Variants in UBE3D observed in about 807,000 individuals in gnomAD.
UBE3D encodes E3 ubiquitin-protein ligase E3D.
A neutral mutation model predicts 49.6 loss-of-function variants in UBE3D; 48 were observed. The observed-to-expected ratio is 0.97, with a 90% CI of 0.77 to 1.23. The LOEUF is 1.23. UBE3D is among the 50% of genes most tolerant of loss of function. UBE3D has a pLI of 0.00. For missense variants in UBE3D, 452 were observed against 468.4 expected (o/e 0.96, Z 0.32); for synonymous variants, 189 against 174.2 (o/e 1.08, Z -0.67).
At chr6:83,038,690 T>C (rs976303148) in intron 4 of UBE3D, among the ~76,000 whole-genome samples, 1 of 152,212 alleles carries the variant, frequency 6.6e-6, no homozygotes, top group African/African-American at 2.4e-5. Context: ...ACACACAGAT[T>C]CACTTTTCCA....
At chr6:83,051,326 G>A (rs1783454478) in intron 3 of UBE3D, among the ~76,000 whole-genome samples, 1 of 152,184 alleles carries the variant, frequency 6.6e-6, no homozygotes, top group South Asian at 2.1e-4. Context: ...TAGGGAGAGT[G>A]AGTGCTGCCC....
chr6:82,965,584 A>T (rs1429837357), intron 8 of UBE3D, among the ~76,000 whole-genome samples: 2 of 16,192 alleles, frequency 1.2e-4, no homozygotes, highest in Non-Finnish European at 3.4e-4. Context: ...ACTCCATCTC[A>T]AAAAAAAAAA....
At chr6:82,992,788 T>C (rs1315126526) in intron 8 of UBE3D, among the ~76,000 whole-genome samples, 3 of 152,156 alleles carry the variant, frequency 2.0e-5, no homozygotes, top group African/African-American at 4.8e-5. Flanking sequence ...CTGGTATACA[T>C]AGTGATGTCA....
At chr6:83,024,956 T>C (rs1781354030) in intron 5 of UBE3D, among the ~76,000 whole-genome samples, 1 of 152,066 alleles carries the variant, frequency 6.6e-6, no homozygotes, top group Admixed American at 6.6e-5. Flanking sequence ...GCCAGGACTC[T>C]CTGTTTTTAT....
intron 5 of UBE3D, among the ~76,000 whole-genome samples, chr6:83,028,687 A>G (rs1038621052): frequency 6.6e-6 from 1 of 152,178 alleles, no homozygotes; most frequent in African/African-American, 2.4e-5. Context: ...TAATTTACCC[A>G]CATTATTTTC....
At chr6:82,952,705 G>C (rs1775890843) in intron 9 of UBE3D, among the ~76,000 whole-genome samples, 1 of 152,130 alleles carries the variant, frequency 6.6e-6, no homozygotes, top group Non-Finnish European at 1.5e-5. Flanking sequence ...TTACAGGTGT[G>C]AGCTACTTTG....
intron 8 of UBE3D, among the ~76,000 whole-genome samples, chr6:82,997,504 G>A (rs1010939961): frequency 3.9e-5 from 6 of 152,132 alleles, no homozygotes; most frequent in African/African-American, 1.4e-4. Context: ...AGGATCACAA[G>A]GTCAGGAGAT....
At chr6:82,903,097 G>A (rs1017485637) in intron 9 of UBE3D, among the ~76,000 whole-genome samples, 2 of 151,936 alleles carry the variant, frequency 1.3e-5, no homozygotes, top group Non-Finnish European at 2.9e-5. Flanking sequence ...TTTAATTGAC[G>A]AAGGAATCCA....
chr6:82,960,307 T>C (rs768489415), intron 8 of UBE3D, among the ~76,000 whole-genome samples: 1 of 152,132 alleles, frequency 6.6e-6, no homozygotes, highest in Non-Finnish European at 1.5e-5. Flanking sequence ...TTCTCTGGAA[T>C]GAAAATTAAA....
At chr6:83,065,305 C>T (rs938070884) in intron 1 of UBE3D, among the ~76,000 whole-genome samples, 10 of 152,224 alleles carry the variant, frequency 6.6e-5, no homozygotes, top group African/African-American at 2.4e-4. Context: ...AAACGCCGGG[C>T]ACTGCCAACA....
chr6:82,970,680 A>C (rs1179257437), intron 8 of UBE3D, among the ~76,000 whole-genome samples: 3 of 152,080 alleles, frequency 2.0e-5, no homozygotes, highest in African/African-American at 7.2e-5. Flanking sequence ...TCTACTAAAA[A>C]TACAAAAAAT....
At chr6:82,902,659 G>C (rs563008342) in intron 9 of UBE3D, among the ~76,000 whole-genome samples, 1 of 152,188 alleles carries the variant, frequency 6.6e-6, no homozygotes, top group African/African-American at 2.4e-5. Flanking sequence ...GCAACAGGAG[G>C]GATTCCTGTG....
intron 1 of UBE3D, chr6:83,063,132 G>T: frequency 3.9e-6 from 1 of 259,222 alleles, no homozygotes; most frequent in South Asian, 3.4e-5. Flanking sequence ...AAAAAACGAG[G>T]CAGGGCATGG....
intron 5 of UBE3D, among the ~76,000 whole-genome samples, chr6:83,035,578 C>T (rs943722856): frequency 3.9e-5 from 6 of 152,192 alleles, no homozygotes; most frequent in Admixed American, 6.5e-5. Context: ...AAGTTCAATG[C>T]TATTCTAATT....
intron 8 of UBE3D, among the ~76,000 whole-genome samples, chr6:82,961,918 T>C (rs1297818267): frequency 6.6e-6 from 1 of 151,172 alleles, no homozygotes; most frequent in Non-Finnish European, 1.5e-5. Flanking sequence ...GACGAGATCA[T>C]GCCATTGCTC....
chr6:82,958,921 A>C (rs1368767303), intron 8 of UBE3D, among the ~76,000 whole-genome samples: 1 of 152,198 alleles, frequency 6.6e-6, no homozygotes, highest in Non-Finnish European at 1.5e-5. Context: ...GGACAAGGAA[A>C]ATCTGGCTAG....
At chr6:82,887,389 G>GTTTTTT in the UBE3D span, among the ~76,000 whole-genome samples, 7 of 98,326 alleles carry the variant, frequency 7.1e-5, no homozygotes, top group African/African-American at 3.6e-4. Context: ...GACAGTAACA[G>GTTTTTT]TTTTTTTTTT....
chr6:83,044,033 T>C (rs1255968974), intron 4 of UBE3D, among the ~76,000 whole-genome samples: 1 of 152,178 alleles, frequency 6.6e-6, no homozygotes, highest in Non-Finnish European at 1.5e-5. Flanking sequence ...GCAGAAATAG[T>C]AAAATACCTC....
intron 9 of UBE3D, among the ~76,000 whole-genome samples, chr6:82,937,791 T>C (rs1774695687): frequency 6.6e-6 from 1 of 151,936 alleles, no homozygotes; most frequent in Admixed American, 6.5e-5. Context: ...ACATTTCAAG[T>C]TTCTGTGACA....
Sources: allele counts gnomAD v4.1 joint callset (sites outside exome capture counted in the v4.1 genomes callset), GRCh38; gene constraint gnomAD v4.1.1; transcripts MANE v1.5; gene names NCBI Gene and HGNC (gene_info 2026-07-23, HGNC 2026-07-21).